The following NEK11 variants were observed in gnomAD, a reference collection of about 807,000 sequenced individuals.
NEK11 encodes the protein NIMA related kinase 11.
NEK11 carries 72 observed loss-of-function variants against 80.7 expected under a neutral mutation model. The ratio of observed to expected loss-of-function variants is 0.89; its 90% CI spans 0.74 to 1.08. NEK11 has a LOEUF of 1.08. Among genes scored for constraint, NEK11 ranks in the 50% least tolerant of loss-of-function variants. The pLI, the probability that NEK11 is intolerant of heterozygous loss-of-function variation, is 0.00. For synonymous variants in NEK11, 251 were observed against 260.7 expected (o/e 0.96, Z 0.36); for missense variants, 764 against 763.6 (o/e 1.00, Z -0.01).
intron 17 of NEK11, among the ~76,000 whole-genome samples, chr3:131,282,494 G>A (rs1346315326): frequency 6.6e-6 from 1 of 151,754 alleles, no homozygotes; most frequent in Non-Finnish European, 1.5e-5. Flanking sequence ...CTGTATTTTT[G>A]CATCTGTGTC....
At chr3:131,296,118 G>A (rs780240168) in intron 17 of NEK11, among the ~76,000 whole-genome samples, 5 of 152,144 alleles carry the variant, frequency 3.3e-5, no homozygotes, top group Non-Finnish European at 7.4e-5. Context: ...TGGGATTACA[G>A]GCATGAGCCA....
At chr3:131,033,414 T>C (rs928590720) in intron 3 of NEK11, among the ~76,000 whole-genome samples, 11 of 152,302 alleles carry the variant, frequency 7.2e-5, no homozygotes, top group Middle Eastern at 3.4e-3. Flanking sequence ...AGAATAGATA[T>C]GACTTCCCTT....
At chr3:131,105,187 A>G (rs2079003205) in intron 4 of NEK11, among the ~76,000 whole-genome samples, 1 of 152,218 alleles carries the variant, frequency 6.6e-6, no homozygotes, top group Non-Finnish European at 1.5e-5. Context: ...CAAAATGCAG[A>G]ATATTTCCTT....
chr3:131,242,727 T>C (rs2095538127), intron 15 of NEK11, among the ~76,000 whole-genome samples: 1 of 152,150 alleles, frequency 6.6e-6, no homozygotes, highest in East Asian at 1.9e-4. Context: ...CATAAATTCT[T>C]AATTTTCCTT....
intron 12 of NEK11, 53 bp downstream of exon 12, chr3:131,165,572 T>C: frequency 8.9e-7 from 1 of 1,124,076 alleles, no homozygotes; most frequent in Non-Finnish European, 1.3e-6. Context: ...TGCTTTAGAT[T>C]CATGGCGATG....
intron 16 of NEK11, among the ~76,000 whole-genome samples, chr3:131,255,668 T>C (rs2095802828): frequency 6.6e-6 from 1 of 152,196 alleles, no homozygotes; most frequent in African/African-American, 2.4e-5. Flanking sequence ...CCCTCCCGAC[T>C]GCTTGGCAGC....
At chr3:131,314,844 C>T (rs1451730220) in intron 17 of NEK11, among the ~76,000 whole-genome samples, 3 of 152,184 alleles carry the variant, frequency 2.0e-5, no homozygotes, top group African/African-American at 7.2e-5. Context: ...TATTTTATTA[C>T]ATTATTCACT....
rs1358305805 is a variant in NEK11 at position 131,080,472 on chromosome 3, G to A, written c.220G>A (p.Val74Ile). 1.2e-5 allele frequency: 19 copies of A among 1,613,804 alleles called. No homozygotes were observed. The highest frequency in any genetic ancestry group is 1.4e-5 in the Non-Finnish European group (17 of 1,179,938). ...SVGELNPNET[V>I]QANLEAQLLS... The stretch of plus-strand genomic sequence containing the variant: ...TGGAGAACTAAATCCAAATGAAACT[G>A]TACAGGCCAATTTGGAAGCCCAACT... Residue 74 changes from valine (V) to isoleucine (I), a missense_variant, in exon 4 of 18, where the codon GTA becomes ATA. Transcript: ENST00000383366.
chr3:131,249,693 A>G (rs2095665705), intron 16 of NEK11, among the ~76,000 whole-genome samples: 1 of 152,102 alleles, frequency 6.6e-6, no homozygotes, highest in Admixed American at 6.6e-5. Flanking sequence ...AAAAGCATGG[A>G]CTCTTTAGAA....
chr3:131,331,734 A>T (rs2097088472), intron 17 of NEK11, among the ~76,000 whole-genome samples: 1 of 152,214 alleles, frequency 6.6e-6, no homozygotes, highest in Non-Finnish European at 1.5e-5. Context: ...GACAGACGGC[A>T]CCTGGAAAAT....
chr3:131,075,153 G>A (rs2074128112), intron 3 of NEK11, among the ~76,000 whole-genome samples: 1 of 152,088 alleles, frequency 6.6e-6, no homozygotes, highest in Non-Finnish European at 1.5e-5. Flanking sequence ...GTTTGTGATC[G>A]GGGTACGTAG....
At chr3:131,094,200 G>A (rs1207695348) in intron 4 of NEK11, among the ~76,000 whole-genome samples, 1 of 151,382 alleles carries the variant, frequency 6.6e-6, no homozygotes, top group Non-Finnish European at 1.5e-5. Flanking sequence ...TCTTTCTCTG[G>A]TGTTGCTTCC....
intron 4 of NEK11, among the ~76,000 whole-genome samples, chr3:131,102,235 C>T (rs769434172): frequency 6.6e-6 from 1 of 151,952 alleles, no homozygotes; most frequent in Non-Finnish European, 1.5e-5. Context: ...TGTTGTTAGC[C>T]GGTTGTTATG....
chr3:131,149,023 A>G (rs2149778823), intron 7 of NEK11, among the ~76,000 whole-genome samples: 2 of 152,132 alleles, frequency 1.3e-5, no homozygotes, highest in East Asian at 3.9e-4. Flanking sequence ...ATTTTGAAAT[A>G]TATAATAAAT....
Position 131,162,482 on chromosome 3 carries a change from G to A in NEK11, c.1037G>A (p.Arg346Gln), listed in dbSNP as rs761123311. The change falls in exon 11 of 18, where the codon CGG becomes CAG. Residue 346 changes from arginine to glutamine, a missense_variant. By Grantham distance (43) the Arg-to-Gln change is conservative. Transcript: ENST00000383366. ...AAAATGACGCCAAGAGAAAGGATGC[G>A]GCTGAGGAAGCTCCAGGCGGCTGAT... The part of the protein sequence containing the change: ...VQKMTPRERM[R>Q]LRKLQAADEK... The A allele has an allele frequency of 1.2e-5, 19 of 1,613,984 alleles. No homozygotes were observed. The highest frequency in any genetic ancestry group is 3.3e-5 in the Admixed American group (2 of 59,994).
chr3:131,101,017 T>C (rs923714635), intron 4 of NEK11, among the ~76,000 whole-genome samples: 1 of 152,200 alleles, frequency 6.6e-6, no homozygotes, highest in African/African-American at 2.4e-5. Context: ...TTTTCTATTT[T>C]GTGTGTGTAA....
At chr3:131,164,161 C>A (rs2091958669) in intron 11 of NEK11, among the ~76,000 whole-genome samples, 1 of 152,152 alleles carries the variant, frequency 6.6e-6, no homozygotes, top group Non-Finnish European at 1.5e-5. Flanking sequence ...AGAAAGATTT[C>A]CATGAAAGTA....
intron 17 of NEK11, chr3:131,330,318 C>T (rs1389435731): frequency 6.6e-6 from 1 of 152,134 alleles, no homozygotes; most frequent in Non-Finnish European, 1.5e-5. Flanking sequence ...AAGATTATTA[C>T]CTACTAGACA....
chr3:131,245,502 T>C (rs541708707), intron 16 of NEK11, among the ~76,000 whole-genome samples: 1 of 152,156 alleles, frequency 6.6e-6, no homozygotes, highest in Non-Finnish European at 1.5e-5. Context: ...ATGGTAGTTC[T>C]TTGAGCAATC....
Sources: gnomAD v4.1 joint callset for allele counts (sites outside exome capture counted in the v4.1 genomes callset) on GRCh38, gnomAD v4.1.1 for gene constraint, MANE v1.5 for transcripts, NCBI Gene and HGNC (gene_info 2026-07-23, HGNC 2026-07-21) for gene names.